Variants in TNIP3 observed in about 807,000 individuals in gnomAD.
TNIP3 encodes the protein TNFAIP3-interacting protein 3.
Under a neutral mutation model 54.1 loss-of-function variants are expected in TNIP3, and 34 were observed. The observed-to-expected ratio is 0.63, with a 90% confidence interval of 0.48 to 0.84. TNIP3 has a LOEUF of 0.84. Among genes scored for constraint, TNIP3 ranks in the 40% least tolerant of loss-of-function variants. The pLI is 0.00. For missense variants in TNIP3, 366 were observed against 387.6 expected, an observed-to-expected ratio of 0.94 and a Z score of 0.47; for synonymous variants, 134 against 136.8, an observed-to-expected ratio of 0.98 and a Z score of 0.14.
chr4:121,181,554 A>C (rs1395641076), intron 3 of TNIP3, among the ~76,000 whole-genome samples: 1 of 152,192 alleles, frequency 6.6e-6, no homozygotes, highest in African/African-American at 2.4e-5. Flanking sequence ...ACTGTTCATG[A>C]CATGAATGAA....
At chr4:121,213,937 T>A (rs763298154) in intron 2 of TNIP3, among the ~76,000 whole-genome samples, 4 of 152,168 alleles carry the variant, frequency 2.6e-5, no homozygotes, top group African/African-American at 4.8e-5. Flanking sequence ...ATAAAAACTA[T>A]AAAACATCAT....
chr4:121,161,291 C>T, intron 1 of TNIP3, 75 bp from the exon 2 acceptor site: 3 of 1,330,984 alleles, frequency 2.3e-6, no homozygotes, highest in East Asian at 5.0e-5. Context: ...TCCTCAGAAA[C>T]CCCATGCATT....
chr4:121,215,716 A>G (rs997040585), intron 2 of TNIP3, among the ~76,000 whole-genome samples: 6 of 152,056 alleles, frequency 3.9e-5, no homozygotes, highest in African/African-American at 1.4e-4. Context: ...AGAACAGTTT[A>G]TCTGTGCCTC....
At chr4:121,199,756 C>T (rs1327240780) in intron 2 of TNIP3, among the ~76,000 whole-genome samples, 2 of 152,146 alleles carry the variant, frequency 1.3e-5, no homozygotes, top group Admixed American at 6.5e-5. Context: ...TTTTGGTACC[C>T]TCAGATAAGA....
upstream of TNIP3, among the ~76,000 whole-genome samples, chr4:121,167,593 G>A (rs1361510167): frequency 1.3e-5 from 2 of 152,276 alleles, no homozygotes; most frequent in East Asian, 3.9e-4. Context: ...AATCATAAAA[G>A]ATTTTAATTT....
At chr4:121,143,334 C>A (rs1221242999) in intron 7 of TNIP3, among the ~76,000 whole-genome samples, 1 of 152,164 alleles carries the variant, frequency 6.6e-6, no homozygotes, top group African/African-American at 2.4e-5. Flanking sequence ...AGATGAATCA[C>A]CTACCCTGGG....
intron 4 of TNIP3, among the ~76,000 whole-genome samples, chr4:121,156,086 A>C (rs1273922288): frequency 6.6e-6 from 1 of 152,220 alleles, no homozygotes. Flanking sequence ...CATGGCAGAA[A>C]GGGAGTGTTG....
intron 9 of TNIP3, among the ~76,000 whole-genome samples, chr4:121,140,373 C>T (rs539120534): frequency 1.3e-5 from 2 of 152,008 alleles, no homozygotes; most frequent in Non-Finnish European, 1.5e-5. Flanking sequence ...AAAATGTAGG[C>T]CATTCTACAT....
At chr4:121,185,198 C>G (rs191909376) in intron 2 of TNIP3, among the ~76,000 whole-genome samples, 17 of 152,304 alleles carry the variant, frequency 1.1e-4, no homozygotes, top group African/African-American at 3.4e-4. Flanking sequence ...ACCTTCTACT[C>G]TCTTCCTTCA....
Position 121,147,164 on chromosome 4 carries a change from T to A in TNIP3, c.620A>T (p.Tyr207Phe). ...TCGTTCCTTTTTGAAGTCTTCTTCG[T>A]ATATTTGCACCTAAGAAATATTAGC... is the stretch of plus-strand genomic sequence containing the variant. ...MEVLKQQVQI[Y>F]EEDFKKERSD... The change falls in exon 7 of 11, where the codon TAC (tyrosine) becomes TTC (phenylalanine). Residue 207 changes from tyrosine (Y) to phenylalanine (F), a missense_variant. Tyr to Phe is a conservative substitution (Grantham distance 22, BLOSUM62 3). Transcript: ENST00000057513. The A allele has an allele frequency of 6.2e-7, 1 of 1,610,530 alleles. No individual in the cohort carries two copies. Among genetic ancestry groups the A allele is most frequent in the African/African-American group, 1.3e-5 (1 of 74,786 alleles).
intron 2 of TNIP3, among the ~76,000 whole-genome samples, chr4:121,203,427 A>C (rs1726009390): frequency 6.6e-6 from 1 of 152,168 alleles, no homozygotes; most frequent in Non-Finnish European, 1.5e-5. Flanking sequence ...ATGAGAACTC[A>C]AATGCATGAG....
intron 2 of TNIP3, among the ~76,000 whole-genome samples, chr4:121,200,539 C>T (rs1725825409): frequency 6.6e-6 from 1 of 152,144 alleles, no homozygotes; most frequent in East Asian, 1.9e-4. Context: ...CCCCCGAGCA[C>T]ACATACCCTG....
chr4:121,182,785 A>C (rs1724789528), exon 3 of TNIP3: 1 of 1,534,134 alleles, frequency 6.5e-7, no homozygotes, highest in South Asian at 1.2e-5. Context: ...GTCCAGCTCC[A>C]TGCTTTCACA....
chr4:121,156,305 G>A (rs1730083811), intron 4 of TNIP3, among the ~76,000 whole-genome samples: 1 of 152,096 alleles, frequency 6.6e-6, no homozygotes, highest in African/African-American at 2.4e-5. Context: ...AAATAACGAG[G>A]GGCCATTAGA....
At chr4:121,195,865 G>T (rs1466506763) in intron 2 of TNIP3, among the ~76,000 whole-genome samples, 22 of 152,168 alleles carry the variant, frequency 1.4e-4, no homozygotes, top group Admixed American at 1.4e-3. Context: ...GAAGTGAACT[G>T]GTTTTGTGAG....
intron 2 of TNIP3, among the ~76,000 whole-genome samples, chr4:121,215,534 C>A (rs1413636467): frequency 1.3e-5 from 2 of 152,154 alleles, no homozygotes; most frequent in Non-Finnish European, 2.9e-5. Context: ...GACACAAATA[C>A]GTGACTTTCC....
intron 3 of TNIP3, among the ~76,000 whole-genome samples, chr4:121,176,461 T>C (rs1724346487): frequency 6.6e-6 from 1 of 152,130 alleles, no homozygotes; most frequent in East Asian, 1.9e-4. Context: ...TCAGTTATTG[T>C]ATGAGAAAAC....
At chr4:121,136,394 G>A (rs1465704265) in intron 10 of TNIP3, among the ~76,000 whole-genome samples, 1 of 152,148 alleles carries the variant, frequency 6.6e-6, no homozygotes, top group African/African-American at 2.4e-5. Context: ...ATATGTTTTA[G>A]AATCCTATAT....
intron 2 of TNIP3, among the ~76,000 whole-genome samples, chr4:121,214,772 A>G (rs761991464): frequency 7.2e-5 from 11 of 152,194 alleles, no homozygotes; most frequent in Non-Finnish European, 1.5e-4. Context: ...TAATAACTTC[A>G]TCCTTAAATG....
Sources: gnomAD v4.1 joint callset for allele counts (sites outside exome capture counted in the v4.1 genomes callset) on GRCh38, gnomAD v4.1.1 for gene constraint, MANE v1.5 for transcripts, NCBI Gene and HGNC (gene_info 2026-07-23, HGNC 2026-07-21) for gene names.